FGF14: variants seen among roughly 807,000 people sequenced by gnomAD.
FGF14 encodes fibroblast growth factor 14, also known as fibroblast growth factor homologous factor 4.
A neutral mutation model predicts 25.5 loss-of-function variants in FGF14; 5 were observed. The ratio of observed to expected loss-of-function variants is 0.20; its 90% CI spans 0.10 to 0.41. The LOEUF is 0.41. FGF14 is among the 10% of genes least tolerant of loss of function. FGF14 has a pLI of 1.00. For missense variants in FGF14, 222 were observed against 320.1 expected (o/e 0.69, Z 2.34); for synonymous variants, 138 against 118.3 (o/e 1.17, Z -1.08).
chr13:102,302,674 T>A (rs1012434217), intron 1 of FGF14, among the ~76,000 whole-genome samples: 1 of 152,070 alleles, frequency 6.6e-6, no homozygotes, highest in African/African-American at 2.4e-5. Flanking sequence ...ACTCCCAAAC[T>A]CAGTGATAAC....
chr13:101,973,234 A>C (rs1566517241), intron 1 of FGF14, among the ~76,000 whole-genome samples: 1 of 152,080 alleles, frequency 6.6e-6, no homozygotes, highest in African/African-American at 2.4e-5. Context: ...GTTTAAAAAA[A>C]GTTATCCCCT....
intron 3 of FGF14, among the ~76,000 whole-genome samples, chr13:101,773,898 C>T (rs938444171): frequency 6.7e-6 from 1 of 149,046 alleles, no homozygotes; most frequent in Admixed American, 6.8e-5. Context: ...GGGCACCATT[C>T]TTGATGTATT....
At chr13:102,341,306 C>T (rs564436343) in intron 1 of FGF14, among the ~76,000 whole-genome samples, 1 of 152,126 alleles carries the variant, frequency 6.6e-6, no homozygotes, top group East Asian at 1.9e-4. Context: ...AAAGAAAAAT[C>T]ATTCCATTAT....
rs369831369 is a variant in FGF14, at chr13:101,726,645, G to C, written c.574C>G (p.Pro192Ala). The change falls in exon 4 of 5, where the codon CCA becomes GCA. Residue 192 changes from proline (P) to alanine (A), a missense_variant. This residue lies in a region of FGF14 where 66 missense variants were observed against 90.3 expected (regional missense o/e 0.73). Transcript: ENST00000376143. Reference sequence around the variant, plus strand: ...GGCTTGGGTAGAAAATGAGCTGCTGGTTTGGTTTTCTTTACTCTGTTCCCT... The same window carrying C: ...GGCTTGGGTAGAAAATGAGCTGCTGCTTTGGTTTTCTTTACTCTGTTCCCT... ...MKGNRVKKTKPAAHFLPKPLE... is the reference protein window; with the variant it reads ...MKGNRVKKTKAAAHFLPKPLE... The C allele has an allele frequency of 6.2e-7, 1 of 1,613,462 alleles. No homozygotes were observed. Among genetic ancestry groups the C allele is most frequent in the Non-Finnish European group, 8.5e-7 (1 of 1,179,634 alleles).
intron 1 of FGF14, among the ~76,000 whole-genome samples, chr13:101,980,491 A>C (rs939681364): frequency 7.2e-5 from 11 of 152,218 alleles, no homozygotes; most frequent in African/African-American, 2.7e-4. Flanking sequence ...GAGCATTATA[A>C]TAATTTTGAT....
At chr13:102,240,365 A>G (rs1369188788) in intron 1 of FGF14, among the ~76,000 whole-genome samples, 1 of 152,188 alleles carries the variant, frequency 6.6e-6, no homozygotes, top group Non-Finnish European at 1.5e-5. Flanking sequence ...CACACATTAT[A>G]TAATAAAGAC....
intron 3 of FGF14, among the ~76,000 whole-genome samples, chr13:101,843,820 C>T (rs1468293254): frequency 1.3e-5 from 2 of 151,900 alleles, no homozygotes; most frequent in Non-Finnish European, 2.9e-5. Context: ...TATTGAAAGA[C>T]AGTGAAATGC....
chr13:101,797,163 C>G (rs1248842372), intron 3 of FGF14, among the ~76,000 whole-genome samples: 1 of 152,140 alleles, frequency 6.6e-6, no homozygotes, highest in Non-Finnish European at 1.5e-5. Flanking sequence ...TCTTTGTAAA[C>G]TTACTGAATG....
chr13:102,375,099 C>T (rs1037591068), intron 1 of FGF14, among the ~76,000 whole-genome samples: 24 of 151,976 alleles, frequency 1.6e-4, no homozygotes, highest in African/African-American at 4.6e-4. Context: ...AAAAATGAGC[C>T]ATAACATCTG....
At chr13:101,837,211 T>C (rs2042969149) in intron 3 of FGF14, among the ~76,000 whole-genome samples, 1 of 151,932 alleles carries the variant, frequency 6.6e-6, no homozygotes, top group Non-Finnish European at 1.5e-5. Flanking sequence ...TGTATTTGTG[T>C]GCCATCTTGG....
At chr13:101,837,899 G>C (rs2043004504) in intron 3 of FGF14, among the ~76,000 whole-genome samples, 1 of 151,890 alleles carries the variant, frequency 6.6e-6, no homozygotes, top group African/African-American at 2.4e-5. Flanking sequence ...AATCTGGGTG[G>C]GCACTATCTA....
intron 3 of FGF14, among the ~76,000 whole-genome samples, chr13:101,734,700 A>G (rs1288107437): frequency 1.3e-5 from 2 of 152,188 alleles, no homozygotes; most frequent in Non-Finnish European, 2.9e-5. Flanking sequence ...GCACTGCTCT[A>G]CACACTACAT....
intron 3 of FGF14, among the ~76,000 whole-genome samples, chr13:101,748,336 C>T (rs2037029976): frequency 6.6e-6 from 1 of 151,914 alleles, no homozygotes; most frequent in Non-Finnish European, 1.5e-5. Context: ...TTTGCAATAA[C>T]ATGGATGGAA....
intron 4 of FGF14, among the ~76,000 whole-genome samples, chr13:101,724,721 A>G (rs957967227): frequency 1.3e-5 from 2 of 149,426 alleles, no homozygotes; most frequent in African/African-American, 4.9e-5. Context: ...TATATTCGGT[A>G]TGGGTTTTGA....
chr13:101,764,502 A>T (rs1458820799), intron 3 of FGF14, among the ~76,000 whole-genome samples: 1 of 152,190 alleles, frequency 6.6e-6, no homozygotes, highest in Non-Finnish European at 1.5e-5. Context: ...ATTTTCCCTA[A>T]CCCACAAGTG....
At chr13:101,844,715 A>C (rs1053158770) in intron 3 of FGF14, among the ~76,000 whole-genome samples, 1 of 152,056 alleles carries the variant, frequency 6.6e-6, no homozygotes, top group African/African-American at 2.4e-5. Context: ...ATTGACGTTC[A>C]GGAAAAATAT....
At chr13:101,813,869 A>G (rs147008205) in intron 3 of FGF14, among the ~76,000 whole-genome samples, 1 of 152,238 alleles carries the variant, frequency 6.6e-6, no homozygotes, top group African/African-American at 2.4e-5. Flanking sequence ...TACCTTTGAC[A>G]GGGGATTCGA....
chr13:102,322,822 T>C (rs1358931453), intron 1 of FGF14, among the ~76,000 whole-genome samples: 5 of 151,896 alleles, frequency 3.3e-5, no homozygotes, highest in African/African-American at 9.7e-5. Flanking sequence ...TAGAAACAAA[T>C]ACACATACAT....
chr13:102,270,086 A>G (rs898439816), intron 1 of FGF14, among the ~76,000 whole-genome samples: 4 of 152,186 alleles, frequency 2.6e-5, no homozygotes, highest in African/African-American at 9.6e-5. Context: ...TTAATCTGTT[A>G]TCTGACAATA....
Sources: allele counts gnomAD v4.1 joint callset (sites outside exome capture counted in the v4.1 genomes callset), GRCh38; gene constraint gnomAD v4.1.1; regional missense constraint gnomAD v4.1.1; transcripts MANE v1.5; gene names NCBI Gene and HGNC (gene_info 2026-07-23, HGNC 2026-07-21).